The following PTPRG variants were observed in gnomAD, a reference collection of about 807,000 sequenced individuals.
PTPRG encodes protein tyrosine phosphatase receptor type G.
A neutral mutation model predicts 165.3 loss-of-function variants in PTPRG; 102 were observed. The observed-to-expected ratio is 0.62, with a 90% CI of 0.53 to 0.73. PTPRG has a LOEUF of 0.73. PTPRG is among the 30% of genes least tolerant of loss of function. The pLI is 0.00. For synonymous variants in PTPRG, 675 were observed against 669.5 expected (o/e 1.01, Z -0.13); for missense variants, 1,866 against 1,861.4 (o/e 1.00, Z -0.05).
At chr3:62,176,161 G>T (rs531754432) in intron 8 of PTPRG, among the ~76,000 whole-genome samples, 6 of 152,234 alleles carry the variant, frequency 3.9e-5, no homozygotes, top group African/African-American at 7.2e-5. Context: ...TGGAAATATC[G>T]CAGGTTGGAT....
intron 1 of PTPRG, among the ~76,000 whole-genome samples, chr3:61,699,461 TTTGAGAA>T (rs908643726): frequency 2.0e-5 from 3 of 152,202 alleles, no homozygotes; most frequent in African/African-American, 7.2e-5. Flanking sequence ...TGGACCACAG[TTTGAGAA>T]TCTATGTCCT....
At chr3:62,147,605 G>A (rs537188886) in intron 6 of PTPRG, among the ~76,000 whole-genome samples, 4 of 152,290 alleles carry the variant, frequency 2.6e-5, no homozygotes, top group South Asian at 2.1e-4. Context: ...TGCATCTCAC[G>A]ATTGATGTTG....
At chr3:62,000,832 A>G (rs919667072) in intron 3 of PTPRG, among the ~76,000 whole-genome samples, 6 of 152,186 alleles carry the variant, frequency 3.9e-5, no homozygotes, top group Admixed American at 1.3e-4. Flanking sequence ...GGAAATAACC[A>G]CCACTGAATA....
chr3:62,269,378 C>G (rs1701987979), intron 20 of PTPRG, among the ~76,000 whole-genome samples: 1 of 152,090 alleles, frequency 6.6e-6, no homozygotes, highest in African/African-American at 2.4e-5. Flanking sequence ...CCTGATTGAG[C>G]CTTTAATCTC....
At chr3:61,674,526 T>TATA (rs1396685933) in intron 1 of PTPRG, among the ~76,000 whole-genome samples, 2 of 140,450 alleles carry the variant, frequency 1.4e-5, no homozygotes, top group Non-Finnish European at 3.1e-5. Context: ...ATTAGTACTC[T>TATA]ATAAATACTC....
Position 62,293,680 on chromosome 3 carries a change from C to T in PTPRG, c.*373C>T, listed in dbSNP as rs1228884602. On this transcript the variant is annotated 3_prime_UTR_variant, in exon 30 of 30. Transcript: ENST00000474889. ...AATATTGCTTTTATTATTATTATTG[C>T]TGAAGTGGTTGCATTCTACTAGCAG... The T allele has an allele frequency of 1.3e-5, 2 of 158,900 alleles. No homozygotes were observed. The highest frequency in any genetic ancestry group is 2.8e-5 in the Non-Finnish European group (2 of 72,314). 9.8% of individuals were successfully genotyped at this position (158,900 alleles called of 1,614,324 possible).
At chr3:61,954,349 T>C (rs61632832) in intron 2 of PTPRG, among the ~76,000 whole-genome samples, 1 of 151,980 alleles carries the variant, frequency 6.6e-6, no homozygotes, top group Non-Finnish European at 1.5e-5. Context: ...GGTGGTAAAT[T>C]TGTATATGTT....
intron 1 of PTPRG, among the ~76,000 whole-genome samples, chr3:61,644,327 A>G (rs1396090264): frequency 6.6e-6 from 1 of 152,178 alleles, no homozygotes; most frequent in East Asian, 1.9e-4. Context: ...CCATAAGTAA[A>G]AATTGCATGT....
chr3:61,742,895 G>A (rs2033050639), intron 1 of PTPRG: 64 of 1,489,490 alleles, frequency 4.3e-5, no homozygotes, highest in Non-Finnish European at 5.7e-5. Flanking sequence ...TCACAGTGCT[G>A]CTGGTCCCCC....
chr3:61,585,572 C>G (rs992253770), intron 1 of PTPRG, among the ~76,000 whole-genome samples: 8 of 151,902 alleles, frequency 5.3e-5, no homozygotes, highest in African/African-American at 1.9e-4. Flanking sequence ...TGGCAAAACC[C>G]TGTCTCTACA....
In PTPRG at chr3:62,129,606, C is replaced by T. The variant is rs75436416; in HGVS notation, c.616-2996C>T. On this transcript the variant is annotated intron_variant, in intron 5 of 29. Transcript: ENST00000474889. ...GCCAAACTCACTTTTATAACAAATT[C>T]CCTCTAGCAATAATGATGATAATCT... is the stretch of plus-strand genomic sequence containing the variant. 5.4e-3 allele frequency among the ~76,000 whole-genome samples: 827 copies of T among 152,188 alleles called. 3 individuals carry two copies. The highest frequency in any genetic ancestry group is 7.6e-3 in the Non-Finnish European group (518 of 68,014).
At chr3:62,139,173 T>C (rs970698641) in intron 6 of PTPRG, among the ~76,000 whole-genome samples, 1 of 152,130 alleles carries the variant, frequency 6.6e-6, no homozygotes, top group Non-Finnish European at 1.5e-5. Flanking sequence ...AGTCAGAAAT[T>C]GCCACAGACA....
At chr3:61,995,826 G>A (rs2041029024) in intron 3 of PTPRG, among the ~76,000 whole-genome samples, 2 of 150,450 alleles carry the variant, frequency 1.3e-5, no homozygotes, top group African/African-American at 2.5e-5. Context: ...CTGGAGTGCA[G>A]TGGTGCAATC....
At chr3:61,848,031 T>G (rs923160897) in intron 2 of PTPRG, among the ~76,000 whole-genome samples, 1 of 152,242 alleles carries the variant, frequency 6.6e-6, no homozygotes, top group Non-Finnish European at 1.5e-5. Context: ...TAAATACTTA[T>G]GCAGATGAAG....
At chr3:62,027,699 T>A (rs951321280) in intron 4 of PTPRG, among the ~76,000 whole-genome samples, 1 of 152,174 alleles carries the variant, frequency 6.6e-6, no homozygotes, top group Non-Finnish European at 1.5e-5. Flanking sequence ...GCCTAGCCAA[T>A]GAAATAAACT....
chr3:61,855,296 G>A (rs1011083831), intron 2 of PTPRG, among the ~76,000 whole-genome samples: 1 of 152,174 alleles, frequency 6.6e-6, no homozygotes, highest in Non-Finnish European at 1.5e-5. Context: ...TCTTCCTCAA[G>A]CAGTTCTCTC....
intron 13 of PTPRG, among the ~76,000 whole-genome samples, chr3:62,227,336 A>G (rs1700786049): frequency 6.6e-6 from 1 of 152,220 alleles, no homozygotes; most frequent in African/African-American, 2.4e-5. Flanking sequence ...CAAAGTCACA[A>G]AGGAGACAGG....
chr3:61,910,432 T>C (rs954031055), intron 2 of PTPRG, among the ~76,000 whole-genome samples: 9 of 152,204 alleles, frequency 5.9e-5, no homozygotes, highest in Non-Finnish European at 1.3e-4. Flanking sequence ...CCAGTGGGTA[T>C]GAAATGGTAA....
rs1184514794 is a variant in PTPRG, at chr3:61,715,759, A to G, written c.86-33119A>G. Among the ~76,000 whole-genome samples, 14 of 152,246 alleles carry G rather than the reference A, an allele frequency of 9.2e-5. 1 individual carries two copies. The highest frequency in any genetic ancestry group is 8.5e-4 in the Admixed American group (13 of 15,288). On this transcript the variant is annotated intron_variant, in intron 1 of 29. Transcript: ENST00000474889. The stretch of plus-strand genomic sequence containing the variant: ...GAGCAACCAAAATAGAGAAAACAGG[A>G]AAGAAGTAAAAGACAACGATGATGA...
Sources: gnomAD v4.1 joint callset for allele counts (sites outside exome capture counted in the v4.1 genomes callset) on GRCh38, gnomAD v4.1.1 for gene constraint, MANE v1.5 for transcripts, NCBI Gene and HGNC (gene_info 2026-07-23, HGNC 2026-07-21) for gene names.